The following ZCWPW2 variants were observed in gnomAD, a reference collection of about 807,000 sequenced individuals.
ZCWPW2 encodes zinc finger CW-type and PWWP domain containing 2.
In ZCWPW2, 45 loss-of-function variants were observed where a neutral mutation model predicts 46.6. The ratio of observed to expected loss-of-function variants is 0.96; its 90% CI spans 0.76 to 1.24. The LOEUF (loss-of-function observed/expected upper bound fraction) is 1.24, where lower values mean the gene tolerates loss of function less well. Among genes scored for constraint, ZCWPW2 ranks in the 50% most tolerant of loss-of-function variants. The pLI is 0.00. For synonymous variants in ZCWPW2, 152 were observed against 137.1 expected (o/e 1.11, Z -0.76); for missense variants, 429 against 403.9 (o/e 1.06, Z -0.53).
chr3:28,405,009 G>A (rs895798783), intron 2 of ZCWPW2, among the ~76,000 whole-genome samples: 1 of 151,984 alleles, frequency 6.6e-6, no homozygotes, highest in Non-Finnish European at 1.5e-5. Flanking sequence ...AATACCACCT[G>A]TTCCCCAATA....
At chr3:28,470,117 C>T (rs1225044072) in intron 4 of ZCWPW2, among the ~76,000 whole-genome samples, 1 of 152,064 alleles carries the variant, frequency 6.6e-6, no homozygotes, top group Non-Finnish European at 1.5e-5. Context: ...AAATAAATAA[C>T]AAGAAGAGTT....
chr3:28,394,685 T>G (rs1428708556), intron 2 of ZCWPW2, among the ~76,000 whole-genome samples: 2 of 152,110 alleles, frequency 1.3e-5, no homozygotes, highest in African/African-American at 4.8e-5. Context: ...ACAAATTGTC[T>G]TAAGAAAACT....
intron 6 of ZCWPW2, among the ~76,000 whole-genome samples, chr3:28,500,828 C>G (rs1333850990): frequency 6.6e-6 from 1 of 152,080 alleles, no homozygotes; most frequent in Non-Finnish European, 1.5e-5. Flanking sequence ...TAGCAGATTC[C>G]TACTGCTGGG....
At chr3:28,393,224 T>C (rs538884816) in intron 2 of ZCWPW2, among the ~76,000 whole-genome samples, 1 of 152,122 alleles carries the variant, frequency 6.6e-6, no homozygotes, top group African/African-American at 2.4e-5. Flanking sequence ...CCTAGAATTA[T>C]GTAACCTACC....
At chr3:28,397,018 T>G (rs1020032782) in intron 2 of ZCWPW2, among the ~76,000 whole-genome samples, 1 of 151,182 alleles carries the variant, frequency 6.6e-6, no homozygotes, top group African/African-American at 2.4e-5. Context: ...AATCCCAGCT[T>G]CTTGGGAGGC....
intron 1 of ZCWPW2, among the ~76,000 whole-genome samples, chr3:28,361,685 CA>C (rs368852052): frequency 0.023 from 3,484 of 148,988 alleles, 114 homozygotes; most frequent in African/African-American, 0.078. Context: ...AATGTAATAG[CA>C]AAAAAAAACC....
chr3:28,480,534 G>A (rs1376477074), intron 5 of ZCWPW2, among the ~76,000 whole-genome samples: 1 of 152,046 alleles, frequency 6.6e-6, no homozygotes, highest in African/African-American at 2.4e-5. Flanking sequence ...CAGTCAGTAA[G>A]TTCTCTGCTC....
intron 1 of ZCWPW2, among the ~76,000 whole-genome samples, chr3:28,367,304 A>T (rs1168287617): frequency 6.6e-6 from 1 of 152,192 alleles, no homozygotes; most frequent in East Asian, 1.9e-4. Context: ...TTCCCTCTAC[A>T]CACTGCTTTG....
chr3:28,368,782 A>C (rs1705212408), intron 1 of ZCWPW2, among the ~76,000 whole-genome samples: 1 of 152,138 alleles, frequency 6.6e-6, no homozygotes, highest in Admixed American at 6.5e-5. Context: ...TCTCCTTGTC[A>C]CTTTCAGGTA....
intron 6 of ZCWPW2, among the ~76,000 whole-genome samples, chr3:28,508,452 G>T (rs1353163339): frequency 6.6e-6 from 1 of 151,912 alleles, no homozygotes; most frequent in Non-Finnish European, 1.5e-5. Context: ...GCTACATGAG[G>T]TTTCTTTTGT....
intron 4 of ZCWPW2, among the ~76,000 whole-genome samples, chr3:28,467,468 A>T (rs1431887743): frequency 1.3e-5 from 2 of 149,906 alleles, no homozygotes; most frequent in African/African-American, 5.1e-5. Flanking sequence ...CAACCTACTG[A>T]TTGTAGATCT....
At chr3:28,349,520 A>C (rs1306784644) in intron 1 of ZCWPW2, among the ~76,000 whole-genome samples, 2 of 152,184 alleles carry the variant, frequency 1.3e-5, no homozygotes, top group African/African-American at 2.4e-5. Context: ...CTTCTAGCAC[A>C]CTGCTCAATT....
rs1458541885 is a variant in ZCWPW2 at position 28,525,197 on chromosome 3, T to G, written c.*509T>G. 2 of 152,368 alleles carry G rather than the reference T, an allele frequency of 1.3e-5. No individual in the cohort carries two copies. The highest frequency in any genetic ancestry group is 4.8e-5 in the African/African-American group (2 of 41,456). 9.4% of individuals were successfully genotyped at this position (152,368 alleles called of 1,614,324 possible). ...TAAAAAGCAAAATTTCACTTGCTAC[T>G]TCTACTGGAATCAGTTATTTCAACC... On this transcript the variant is annotated 3_prime_UTR_variant, in exon 10 of 10. Coordinates refer to ENST00000383768, the MANE Select transcript of ZCWPW2 (RefSeq NM_001040432.4).
intron 1 of ZCWPW2, among the ~76,000 whole-genome samples, chr3:28,352,306 G>A (rs929423155): frequency 9.2e-5 from 14 of 152,134 alleles, no homozygotes; most frequent in African/African-American, 1.9e-4. Context: ...GAACATAAAG[G>A]CTTTCCCGGG....
chr3:28,521,556 G>A (rs1294682389), intron 9 of ZCWPW2, among the ~76,000 whole-genome samples: 1 of 152,160 alleles, frequency 6.6e-6, no homozygotes, highest in Non-Finnish European at 1.5e-5. Flanking sequence ...CATACGGGAA[G>A]TAGAATTTTT....
At position 28,348,927 on chromosome 3, in the gene ZCWPW2, G is replaced by A. The variant is rs1189503406; in HGVS notation, c.-410G>A. 1 of 983,918 alleles carries A rather than the reference G, an allele frequency of 1.0e-6. No homozygotes were observed. The highest frequency in any genetic ancestry group is 1.2e-6 in the Non-Finnish European group (1 of 828,530). The allele number at this position is 983,918 out of a possible 1,614,324, so 60.9% of individuals were successfully genotyped here. A position where few individuals can be genotyped will look rare whatever the true frequency, so the allele number is the denominator to read the frequency against. On this transcript the variant is annotated 5_prime_UTR_variant, in exon 1 of 10. Transcript: ENST00000383768. ...CCCGCCGTCGGGACCAGCACGGGCC[G>A]GAGGGAGGGGAAGCACTCCGGAAAG...
At chr3:28,441,334 C>A (rs1461736305) in intron 4 of ZCWPW2, among the ~76,000 whole-genome samples, 1 of 152,156 alleles carries the variant, frequency 6.6e-6, no homozygotes, top group Non-Finnish European at 1.5e-5. Flanking sequence ...CCTGACCATC[C>A]AACCAAACCA....
chr3:28,409,650 G>C (rs185015920), intron 2 of ZCWPW2, among the ~76,000 whole-genome samples: 38 of 152,272 alleles, frequency 2.5e-4, no homozygotes, highest in Non-Finnish European at 4.6e-4. Context: ...GAAGAAGGTA[G>C]AGATATTGAT....
In ZCWPW2 at chr3:28,474,831, GTTGTTGTTGT is replaced by G. The variant is rs563649227; in HGVS notation, c.493-3977_493-3968del. Among the ~76,000 whole-genome samples the G allele has an allele frequency of 2.1e-4, 32 of 150,280 alleles. 1 individual carries two copies. The South Asian group carries it at 6.5e-3, about 31-fold the overall frequency. ...TGTTGTTGTTGTTGTTGTTGTTGTT[GTTGTTGTTGT>G]TTGTTTGAGACGGAGTCTCGCTCTG... On this transcript the variant is annotated intron_variant, in intron 4 of 9. Transcript: ENST00000383768.
Sources: gnomAD v4.1 joint callset for allele counts (sites outside exome capture counted in the v4.1 genomes callset) on GRCh38, gnomAD v4.1.1 for gene constraint, MANE v1.5 for transcripts, NCBI Gene and HGNC (gene_info 2026-07-23, HGNC 2026-07-21) for gene names.